RP1: variants seen among roughly 807,000 people sequenced by gnomAD.
RP1 encodes the protein RP1 axonemal microtubule associated.
Under a neutral mutation model 14.8 loss-of-function variants are expected in RP1, and 16 were observed. The ratio of observed to expected loss-of-function variants is 1.08; its 90% CI spans 0.73 to 1.65. The LOEUF (loss-of-function observed/expected upper bound fraction) is 1.65, where lower values mean the gene tolerates loss of function less well. Ranked by LOEUF, RP1 falls within the 40% of genes most tolerant of loss-of-function variation. RP1 has a pLI of 0.00. For missense variants in RP1, 2,631 were observed against 2,535.0 expected (o/e 1.04, Z -0.81); for synonymous variants, 876 against 883.6 (o/e 0.99, Z 0.15).
chr8:54,842,326 C>G (rs916698890), intron 25 of RP1, among the ~76,000 whole-genome samples: 2 of 152,196 alleles, frequency 1.3e-5, no homozygotes, highest in Non-Finnish European at 2.9e-5. Flanking sequence ...ATGGGAAATA[C>G]AACATCTATT....
chr8:54,705,214 C>A (rs186634131), intron 14 of RP1, among the ~76,000 whole-genome samples: 33 of 151,692 alleles, frequency 2.2e-4, no homozygotes, highest in African/African-American at 6.5e-4. Context: ...CTCACAGAAC[C>A]CATTGAAAAT....
chr8:54,608,990 G>C (rs548385245), intron 1 of RP1, among the ~76,000 whole-genome samples: 78 of 152,280 alleles, frequency 5.1e-4, no homozygotes, highest in African/African-American at 1.7e-3. Flanking sequence ...GCATGCTAAG[G>C]CATGAGGAAA....
intron 12 of RP1, among the ~76,000 whole-genome samples, chr8:54,689,874 C>T (rs569447347): frequency 6.6e-6 from 1 of 152,086 alleles, no homozygotes; most frequent in South Asian, 2.1e-4. Context: ...CTAATACATA[C>T]TTTTTAAGTT....
intron 24 of RP1, among the ~76,000 whole-genome samples, chr8:54,815,776 TCTGA>T (rs1811121447): frequency 6.6e-6 from 1 of 152,194 alleles, no homozygotes; most frequent in African/African-American, 2.4e-5. Context: ...AAAATAGATG[TCTGA>T]CTTAGAGTTC....
At chr8:54,821,808 C>A (rs982378059) in intron 24 of RP1, among the ~76,000 whole-genome samples, 3 of 152,172 alleles carry the variant, frequency 2.0e-5, no homozygotes, top group Non-Finnish European at 2.9e-5. Context: ...TATTTTGCCT[C>A]TGATAATGCA....
At chr8:54,862,409 AG>A in intron 27 of RP1, among the ~76,000 whole-genome samples, 1 of 152,324 alleles carries the variant, frequency 6.6e-6, no homozygotes, top group South Asian at 2.1e-4. Flanking sequence ...CCTGATTTCT[AG>A]GAACAGTGAG....
chr8:54,759,130 C>CCGTG (rs374086731), intron 22 of RP1: 1 of 745,392 alleles, frequency 1.3e-6, no homozygotes, highest in Non-Finnish European at 1.9e-6. Context: ...GTGGATGATG[C>CCGTG]TGTGTGTGTG....
Position 54,688,936 on chromosome 8 carries a change from A to G in RP1, c.1717+9003A>G, listed in dbSNP as rs188878126. ...CATTTTCACGATATTGATTCTTCCTATCCATGAGCATGGAATGTTTTTCCA... is the reference window on the plus strand; with the variant it reads ...CATTTTCACGATATTGATTCTTCCTGTCCATGAGCATGGAATGTTTTTCCA... On this transcript the variant is annotated intron_variant, in intron 12 of 22. Coordinates refer to the RP1 transcript ENST00000636932. Among the ~76,000 whole-genome samples, 685 of 152,192 alleles carry G rather than the reference A, an allele frequency of 4.5e-3. 5 individuals carry two copies. Among genetic ancestry groups the G allele is most frequent in the African/African-American group, 0.016 (646 of 41,524 alleles).
chr8:54,601,256 G>GA (rs1467196933), intron 1 of RP1, among the ~76,000 whole-genome samples: 11 of 152,056 alleles, frequency 7.2e-5, no homozygotes, highest in Non-Finnish European at 1.5e-4. Context: ...TAAATAAAAA[G>GA]AAAACCTAAA....
At chr8:54,786,853 T>C (rs960150662) in intron 24 of RP1, among the ~76,000 whole-genome samples, 2 of 152,150 alleles carry the variant, frequency 1.3e-5, no homozygotes, top group African/African-American at 4.8e-5. Context: ...CCAATATAAA[T>C]TTGGATTTGA....
At chr8:54,676,542 C>T (rs913635276) in intron 8 of RP1, among the ~76,000 whole-genome samples, 1 of 152,154 alleles carries the variant, frequency 6.6e-6, no homozygotes, top group Non-Finnish European at 1.5e-5. Flanking sequence ...ATGATTACTG[C>T]TTTAAATACC....
rs572473741 is a variant in RP1 at position 54,726,603 on chromosome 8, G to A, written c.2521+127G>A. 3.3e-4 allele frequency: 298 copies of A among 907,176 alleles called. No homozygotes were observed. The African/African-American group carries it at 4.6e-3, about 14-fold the overall frequency. 56.2% of individuals were successfully genotyped at this position (907,176 alleles called of 1,614,324 possible). On this transcript the variant is annotated intron_variant, in intron 17 of 22. Coordinates refer to the RP1 transcript ENST00000636932. ...TTATGTTATACCACATGGACTGCTT[G>A]TAAGCTGTTATCTTGCTTTTTTATG...
At chr8:54,830,957 A>G (rs916136935) in intron 24 of RP1, among the ~76,000 whole-genome samples, 8 of 152,192 alleles carry the variant, frequency 5.3e-5, no homozygotes, top group African/African-American at 1.4e-4. Flanking sequence ...CATTGAGTAC[A>G]TGGTCTTTTT....
intron 1 of RP1, among the ~76,000 whole-genome samples, chr8:54,573,777 G>A (rs1458898600): frequency 1.3e-5 from 2 of 152,150 alleles, no homozygotes; most frequent in South Asian, 2.1e-4. Flanking sequence ...AATATACATG[G>A]CATTTAAAAC....
intron 3 of RP1, among the ~76,000 whole-genome samples, chr8:54,644,107 G>A (rs920229968): frequency 1.3e-5 from 2 of 152,144 alleles, no homozygotes; most frequent in African/African-American, 4.8e-5. Context: ...TCCATTCACA[G>A]ATGTGTGAAA....
In RP1 at chr8:54,621,573, G is replaced by A. The variant is rs786205589; in HGVS notation, c.607G>A (p.Gly203Arg). 6.2e-7 allele frequency: 1 copy of A among 1,614,136 alleles called. No homozygotes were observed. The highest frequency in any genetic ancestry group is 8.5e-7 in the Non-Finnish European group (1 of 1,180,024). ...TGTGGTCAAGCTGTACGCTACGGAC[G>A]GAAGGAGGGTGAGCGTTCTGGGGGC... ...RPVVKLYATD[G>R]RRVPSLQAVI... Residue 203 changes from glycine (G) to arginine (R), a missense_variant, in exon 2 of 4, where the codon GGA becomes AGA. Physicochemically the swap from Gly to Arg is moderately radical, Grantham distance 125. Coordinates refer to ENST00000220676, the MANE Select transcript of RP1 (RefSeq NM_006269.2).
At chr8:54,772,893 C>T (rs769483800), downstream of RP1, among the ~76,000 whole-genome samples, 1 of 152,138 alleles carries the variant, frequency 6.6e-6, no homozygotes, top group African/African-American at 2.4e-5. Flanking sequence ...AGCCTTGTTT[C>T]AGGTCCAAGT....
At position 54,621,156 on chromosome 8, in the gene RP1, G is replaced by A. The variant is rs1805851312; in HGVS notation, c.190G>A (p.Asp64Asn). The A allele has an allele frequency of 1.2e-6, 2 of 1,614,160 alleles. No homozygotes were observed. Among genetic ancestry groups the A allele is most frequent in the East Asian group, 4.5e-5 (2 of 44,874 alleles). ...VVNPRSFKSF[D>N]ALLDNLSRKV... ...CAACCCTCGCTCCTTTAAGTCCTTT[G>A]ATGCTCTGCTGGATAACTTGTCCAG... Residue 64 changes from aspartate (D) to asparagine (N), a missense_variant, in exon 2 of 4, where the codon GAT (aspartate) becomes AAT (asparagine). Physicochemically the swap from Asp to Asn is conservative, Grantham distance 23 (BLOSUM62 1). Transcript: ENST00000220676.
At chr8:54,560,992 G>A (rs540167744) in intron 1 of RP1, 1 of 151,730 alleles carries the variant, frequency 6.6e-6, no homozygotes, top group Non-Finnish European at 1.5e-5. Context: ...GGCTCAGGGG[G>A]TGTGACACAG....
Sources: allele counts gnomAD v4.1 joint callset (sites outside exome capture counted in the v4.1 genomes callset), GRCh38; gene constraint gnomAD v4.1.1; transcripts MANE v1.5; gene names NCBI Gene and HGNC (gene_info 2026-07-23, HGNC 2026-07-21).